The following ZNF541 variants were observed in gnomAD, a reference collection of about 807,000 sequenced individuals.
The protein encoded by ZNF541 is zinc finger protein 541.
In ZNF541, 23 loss-of-function variants were observed where a neutral mutation model predicts 123.5. That is an observed-to-expected ratio of 0.19 (90% CI 0.13 to 0.26). ZNF541 has a LOEUF of 0.26. ZNF541 is among the 10% of genes least tolerant of loss of function. The pLI, the probability that ZNF541 is intolerant of heterozygous loss-of-function variation, is 1.00. For missense variants in ZNF541, 1,612 were observed against 1,789.9 expected (o/e 0.90, Z 1.79); for synonymous variants, 751 against 754.5 (o/e 1.00, Z 0.08).
rs137908077 is a variant in ZNF541 at position 47,547,841 on chromosome 19, G to A, written c.548+1404C>T. 6.4e-3 allele frequency among the ~76,000 whole-genome samples: 965 copies of A among 151,350 alleles called. 14 individuals are homozygous for A. The highest frequency in any genetic ancestry group is 0.043 in the East Asian group (217 of 5,092). On this transcript the variant is annotated intron_variant, in intron 4 of 16. Transcript: ENST00000391901. ...GTAATCCCAGCACTTTGGGGAGGCC[G>A]AGTCACGCAGATCACTTGAGAAATC...
intron 14 of ZNF541, among the ~76,000 whole-genome samples, chr19:47,526,311 G>A (rs889723114): frequency 1.3e-5 from 2 of 151,774 alleles, no homozygotes; most frequent in African/African-American, 2.4e-5. Flanking sequence ...GCAAAACCCC[G>A]TCCCTACTAA....
chr19:47,537,284 C>T (rs1394831037), intron 9 of ZNF541, among the ~76,000 whole-genome samples: 1 of 152,134 alleles, frequency 6.6e-6, no homozygotes, highest in Non-Finnish European at 1.5e-5. Context: ...ATAGGCCAGG[C>T]CAGGCACAGT....
chr19:47,538,814 C>G (rs947582723), intron 8 of ZNF541, among the ~76,000 whole-genome samples: 3 of 152,204 alleles, frequency 2.0e-5, no homozygotes, highest in Non-Finnish European at 4.4e-5. Flanking sequence ...ACTCAGGGGA[C>G]CTTCAGGTCC....
intron 11 of ZNF541, 64 bp downstream of exon 11, chr19:47,532,064 A>G (rs376792807): frequency 6.5e-7 from 1 of 1,538,502 alleles, no homozygotes. Flanking sequence ...CTAGGAGGAA[A>G]AACACCCTGG....
intron 12 of ZNF541, 72 bp downstream of exon 12, chr19:47,531,569 CA>C (rs1200310345): frequency 8.2e-7 from 1 of 1,212,562 alleles, no homozygotes; most frequent in African/African-American, 1.5e-5. Context: ...AACCCCCAAG[CA>C]GACAGCACGT....
chr19:47,571,662 T>C lies in ZNF541; in HGVS notation c.-99+234A>G, dbSNP rs147634382. 7.2e-5 allele frequency among the ~76,000 whole-genome samples: 11 copies of C among 151,994 alleles called. No homozygotes were observed. In the South Asian group the frequency reaches 8.3e-4, roughly 11 times the overall value. On this transcript the variant is annotated intron_variant, in intron 2 of 16. Coordinates refer to ENST00000391901, the MANE Select transcript of ZNF541 (RefSeq NM_001277075.3). ...CCCTGAGCTAGGGAAGGAAAAACGT[T>C]TTTTGCAATAAACATCAATAAAGAA...
intron 3 of ZNF541, among the ~76,000 whole-genome samples, chr19:47,550,775 T>C (rs1970566054): frequency 6.6e-6 from 1 of 151,950 alleles, no homozygotes; most frequent in South Asian, 2.1e-4. Flanking sequence ...GCCTACTGAG[T>C]AGCTGGGACT....
intron 9 of ZNF541, 45 bp downstream of exon 9, chr19:47,538,097 C>T: frequency 6.5e-7 from 1 of 1,544,724 alleles, no homozygotes; most frequent in Non-Finnish European, 8.7e-7. Context: ...GGTCCGCAGG[C>T]AATCCACCCT....
At chr19:47,529,439 C>G in intron 13 of ZNF541, 138 bp downstream of exon 13, 2 of 819,102 alleles carry the variant, frequency 2.4e-6, no homozygotes, top group Non-Finnish European at 3.8e-6. Flanking sequence ...GTCATCCCGA[C>G]AAGGACAGGC....
At chr19:47,573,008 GA>G (rs972834556) in intron 1 of ZNF541, among the ~76,000 whole-genome samples, 74 bp downstream of exon 1, 9 of 151,310 alleles carry the variant, frequency 5.9e-5, no homozygotes, top group African/African-American at 1.7e-4. Flanking sequence ...GGGAGGGGTT[GA>G]AAAAAGAGGA....
chr19:47,534,188 A>C (rs1479830932), intron 9 of ZNF541, among the ~76,000 whole-genome samples: 1 of 152,252 alleles, frequency 6.6e-6, no homozygotes, highest in East Asian at 1.9e-4. Flanking sequence ...TTGAGTTGAC[A>C]GGAAGAAAAT....
chr19:47,562,804 A>G lies in ZNF541; in HGVS notation c.-98-6850T>C, dbSNP rs139442436. The stretch of plus-strand genomic sequence containing the variant: ...GTTCACCCCCATTGCAGCACGTGTC[A>G]CTGCTCCATTTCTTTCCAGGGCTAA... On this transcript the variant is annotated intron_variant, in intron 2 of 16. Transcript: ENST00000391901. 1.2e-3 allele frequency among the ~76,000 whole-genome samples: 177 copies of G among 152,298 alleles called. 1 individual carries two copies. Among genetic ancestry groups the G allele is most frequent in the Middle Eastern group, 6.8e-3 (2 of 294 alleles).
chr19:47,550,261 A>AAAAG (rs528302382), intron 3 of ZNF541, among the ~76,000 whole-genome samples: 2 of 151,698 alleles, frequency 1.3e-5, no homozygotes, highest in East Asian at 3.9e-4. Context: ...AAGAAAAAGA[A>AAAAG]AAAGAAAGAA....
intron 5 of ZNF541, among the ~76,000 whole-genome samples, chr19:47,541,597 A>G (rs1470708209): frequency 1.3e-5 from 2 of 152,164 alleles, no homozygotes; most frequent in Non-Finnish European, 2.9e-5. Flanking sequence ...TAAGCAAAGG[A>G]CCTGAACAGA....
intron 3 of ZNF541, among the ~76,000 whole-genome samples, chr19:47,554,461 AC>A (rs1003084095): frequency 6.6e-6 from 1 of 152,130 alleles, no homozygotes; most frequent in Non-Finnish European, 1.5e-5. Context: ...AAACAAAAAA[AC>A]CACGAATATC....
intron 2 of ZNF541, among the ~76,000 whole-genome samples, chr19:47,558,902 G>T (rs994086757): frequency 6.6e-6 from 1 of 151,790 alleles, no homozygotes; most frequent in African/African-American, 2.4e-5. Context: ...CCGCCCCCGC[G>T]CCCGGCTAAC....
chr19:47,538,902 C>T (rs528452637), intron 8 of ZNF541, among the ~76,000 whole-genome samples: 3 of 152,292 alleles, frequency 2.0e-5, no homozygotes, highest in East Asian at 3.9e-4. Context: ...ACAAGCCCTA[C>T]GAGACTGATC....
Position 47,549,215 on chromosome 19 carries a change from A to G in ZNF541, c.548+30T>C. On this transcript the variant is annotated intron_variant, in intron 4 of 16. Coordinates refer to ENST00000391901, the MANE Select transcript of ZNF541 (RefSeq NM_001277075.3). ...ATGTCCCCACCCCCAGCCCCTGAAC[A>G]GACGTTTTTCTGACCAGACTCCCAC... is the stretch of plus-strand genomic sequence containing the variant. The G allele has an allele frequency of 1.9e-6, 3 of 1,551,238 alleles. No homozygotes were observed. In the South Asian group the frequency reaches 3.6e-5, roughly 18 times the overall value.
chr19:47,555,535 A>C lies in ZNF541; in HGVS notation c.307+15T>G, dbSNP rs1174694374. The stretch of plus-strand genomic sequence containing the variant: ...AACATCCTGCAGGGCCCTTCTACCC[A>C]GGTGACAGCCTCACCTTGTAAGGAT... On this transcript the variant is annotated intron_variant, in intron 3 of 16. Coordinates refer to ENST00000391901, the MANE Select transcript of ZNF541 (RefSeq NM_001277075.3). 3 of 1,521,848 alleles carry C rather than the reference A, an allele frequency of 2.0e-6. No homozygotes were observed. Among genetic ancestry groups the C allele is most frequent in the Non-Finnish European group, 1.8e-6 (2 of 1,129,702 alleles). 94.3% of individuals were successfully genotyped at this position (1,521,848 alleles called of 1,614,324 possible). A position where few individuals can be genotyped will look rare whatever the true frequency, so the allele number is the denominator to read the frequency against.
Sources: gnomAD v4.1 joint callset for allele counts (sites outside exome capture counted in the v4.1 genomes callset) on GRCh38, gnomAD v4.1.1 for gene constraint, MANE v1.5 for transcripts, NCBI Gene and HGNC (gene_info 2026-07-23, HGNC 2026-07-21) for gene names.